Variants in ADAM19 observed in about 807,000 individuals in gnomAD.
ADAM19 encodes the protein disintegrin and metalloproteinase domain-containing protein 19.
In ADAM19, 65 loss-of-function variants were observed where a neutral mutation model predicts 114.7. The observed-to-expected ratio is 0.57, with a 90% confidence interval of 0.46 to 0.70. The LOEUF is 0.70. Ranked by LOEUF, ADAM19 falls within the 30% of genes least tolerant of loss-of-function variation. The pLI, the probability that ADAM19 is intolerant of heterozygous loss-of-function variation, is 0.00. For missense variants in ADAM19, 1,063 were observed against 1,204.7 expected (o/e 0.88, Z 1.74); for synonymous variants, 466 against 460.5 (o/e 1.01, Z -0.15).
At chr5:157,488,160 A>G in intron 21 of ADAM19, 105 bp downstream of exon 21, 1 of 1,168,684 alleles carries the variant, frequency 8.6e-7, no homozygotes, top group Non-Finnish European at 1.2e-6. Context: ...AAAGGCAGTC[A>G]GCTCATGACC....
chr5:157,514,326 C>CTTTTTTTTTTT (rs200826711), intron 7 of ADAM19, among the ~76,000 whole-genome samples: 1 of 141,690 alleles, frequency 7.1e-6, no homozygotes. Flanking sequence ...AATCACATTT[C>CTTTTTTTTTTT]TTTCTTTTTT....
At chr5:157,483,146 A>G (rs573055130) in intron 21 of ADAM19, among the ~76,000 whole-genome samples, 158 of 152,278 alleles carry the variant, frequency 1.0e-3, no homozygotes, top group African/African-American at 3.6e-3. Context: ...CCACCATGGC[A>G]TGTGTATACC....
intron 1 of ADAM19, among the ~76,000 whole-genome samples, chr5:157,573,361 T>C (rs1303280925): frequency 2.6e-5 from 4 of 152,216 alleles, no homozygotes; most frequent in African/African-American, 4.8e-5. Context: ...TTATTTACCA[T>C]TGATTAAAAG....
chr5:157,567,912 A>G (rs1373045207), intron 2 of ADAM19: 1 of 152,096 alleles, frequency 6.6e-6, no homozygotes, highest in Non-Finnish European at 1.5e-5. Flanking sequence ...GAAAATGAAT[A>G]CTGCCCCAAA....
At chr5:157,498,194 CT>C (rs1417467094) in intron 13 of ADAM19, among the ~76,000 whole-genome samples, 1 of 134,044 alleles carries the variant, frequency 7.5e-6, no homozygotes, top group African/African-American at 3.4e-5. Flanking sequence ...GGCAGACAGG[CT>C]TCTCCACCGG....
intron 10 of ADAM19, among the ~76,000 whole-genome samples, chr5:157,506,260 T>C (rs528086019): frequency 7.9e-5 from 12 of 152,190 alleles, no homozygotes; most frequent in Non-Finnish European, 1.3e-4. Context: ...CTTGGTGTAC[T>C]GTCTGATGAT....
intron 7 of ADAM19, among the ~76,000 whole-genome samples, chr5:157,516,152 T>C (rs550700602): frequency 6.6e-6 from 1 of 152,120 alleles, no homozygotes; most frequent in African/African-American, 2.4e-5. Flanking sequence ...TGGAGACAGG[T>C]GGAGAGGGGA....
chr5:157,531,567 C>G (rs563713294), intron 4 of ADAM19, among the ~76,000 whole-genome samples: 1 of 151,632 alleles, frequency 6.6e-6, no homozygotes, highest in African/African-American at 2.4e-5. Flanking sequence ...CTCGGGAGGC[C>G]GAGGCAGGAG....
rs1383631468 is a variant in ADAM19, at chr5:157,496,949, G to A, written c.1539C>T (p.Cys513=). Reference sequence around the variant, plus strand: ...GGTAGGTGAGGCACATGCCGTTGTAGCAGTAGGCCTGGCCGCCCTCACAGG... The same window carrying A: ...GGTAGGTGAGGCACATGCCGTTGTAACAGTAGGCCTGGCCGCCCTCACAGG... The part of the protein sequence containing the change: ...GTPCEGGQAY[C]YNGMCLTYQE... The change falls in exon 14 of 23, where the codon TGC becomes TGT. Residue 513 remains cysteine (C), a synonymous_variant. Coordinates refer to ENST00000257527, the MANE Select transcript of ADAM19 (RefSeq NM_033274.5). The A allele has an allele frequency of 6.3e-7, 1 of 1,598,356 alleles. No individual in the cohort carries two copies. Among genetic ancestry groups the A allele is most frequent in the African/African-American group, 1.4e-5 (1 of 73,890 alleles).
intron 15 of ADAM19, among the ~76,000 whole-genome samples, chr5:157,493,518 A>G (rs1171196951): frequency 1.3e-5 from 2 of 152,126 alleles, no homozygotes; most frequent in Non-Finnish European, 2.9e-5. Flanking sequence ...ATCTGGGGTC[A>G]TCTCCAACTC....
In ADAM19 at chr5:157,507,062, G is replaced by A. The variant is rs1342772245; in HGVS notation, c.984C>T (p.Val328=). 1 of 1,613,890 alleles carries A rather than the reference G, an allele frequency of 6.2e-7. No homozygotes were observed. Among genetic ancestry groups the A allele is most frequent in the African/African-American group, 1.3e-5 (1 of 74,920 alleles). Residue 328 remains valine (V), a synonymous_variant, in exon 10 of 23, where the codon GTC becomes GTT. Coordinates refer to ENST00000257527, the MANE Select transcript of ADAM19 (RefSeq NM_033274.5). ...CACACGGGCTGAGACTCACCATGTT[G>A]ACTCCTCCAGACTGGTACACAGAGC... is the stretch of plus-strand genomic sequence containing the variant. ...AMCSVYQSGG[V]NMDHSENAIG...
intron 3 of ADAM19, among the ~76,000 whole-genome samples, chr5:157,561,002 ACAAACT>A (rs1371381962): frequency 1.3e-5 from 2 of 152,210 alleles, no homozygotes; most frequent in Non-Finnish European, 2.9e-5. Flanking sequence ...CCCCAGATGC[ACAAACT>A]GAGGCTTAAA....
intron 8 of ADAM19, among the ~76,000 whole-genome samples, chr5:157,510,431 G>A (rs1755882610): frequency 6.6e-6 from 1 of 152,138 alleles, no homozygotes; most frequent in Admixed American, 6.5e-5. Context: ...CCAAGATTGT[G>A]CCATTGCACT....
rs1455895015 is a variant in ADAM19 at position 157,564,405 on chromosome 5, C to T, written c.219G>A (p.Gly73=). Residue 73 remains glycine, a synonymous_variant, in exon 3 of 23, where the codon GGG becomes GGA. Coordinates refer to ENST00000257527, the MANE Select transcript of ADAM19 (RefSeq NM_033274.5). ...LKAELRVMAE[G]RELILDLEKN... is the part of the protein sequence containing the mutation. ...TCTCCAGGTCCAGGATCAGTTCTCG[C>T]CCCTCAGCCATTACCCTGAGCTCAG... is the stretch of plus-strand genomic sequence containing the variant. The T allele has an allele frequency of 6.2e-7, 1 of 1,614,198 alleles. No homozygotes were observed. Among genetic ancestry groups the T allele is most frequent in the Non-Finnish European group, 8.5e-7 (1 of 1,180,016 alleles).
intron 9 of ADAM19, among the ~76,000 whole-genome samples, chr5:157,508,261 TA>T: frequency 6.6e-6 from 1 of 152,352 alleles, no homozygotes; most frequent in East Asian, 1.9e-4. Flanking sequence ...TTTAAAAGGA[TA>T]AGCCAAAGTT....
At position 157,480,983 on chromosome 5, in the gene ADAM19, T is replaced by C. The variant is rs960366452; in HGVS notation, c.2723A>G (p.Gln908Arg). 7.4e-6 allele frequency: 12 copies of C among 1,614,108 alleles called. No homozygotes were observed. The highest frequency in any genetic ancestry group is 1.0e-5 in the Non-Finnish European group (12 of 1,180,004). Residue 908 changes from glutamine to arginine, a missense_variant, in exon 23 of 23, where the codon CAG (glutamine) becomes CGG (arginine). Around this residue, in one of 3 missense-constraint regions of ADAM19, gnomAD observed 424 missense variants for 445.5 expected, o/e 0.95. Coordinates refer to ENST00000257527, the MANE Select transcript of ADAM19 (RefSeq NM_033274.5). Reference sequence around the variant, plus strand: ...CGAGCTAATCATCCCTCCAGCCCTCTGTGATCTGTATTCTGGAAACTGGGA... The same window carrying C: ...CGAGCTAATCATCCCTCCAGCCCTCCGTGATCTGTATTCTGGAAACTGGGA... ...LAPKFPEYRS[Q>R]RAGGMISSKI
chr5:157,564,505 G>A, intron 2 of ADAM19, 62 bp from the exon 3 acceptor site: 2 of 1,430,390 alleles, frequency 1.4e-6, no homozygotes, highest in Non-Finnish European at 2.0e-6. Flanking sequence ...CCTGGGTCGG[G>A]CACAGGATCT....
At chr5:157,569,060 G>A in intron 2 of ADAM19, 1 of 152,122 alleles carries the variant, frequency 6.6e-6, no homozygotes, top group Non-Finnish European at 1.5e-5. Context: ...GGTATGAATA[G>A]GTTGCAATAC....
chr5:157,491,918 C>G lies in ADAM19; in HGVS notation c.1909-6G>C. ...CACTGCCCCTCAAAGCAAATCTGCACGGAGAGAAAACAGAACGATCAGTGC... is the reference window on the plus strand; with the variant it reads ...CACTGCCCCTCAAAGCAAATCTGCAGGGAGAGAAAACAGAACGATCAGTGC... On this transcript the variant is annotated splice_polypyrimidine_tract_variant and splice_region_variant and intron_variant, in intron 16 of 22. Transcript: ENST00000257527. 3 of 1,614,004 alleles carry G rather than the reference C, an allele frequency of 1.9e-6. No individual in the cohort carries two copies. The highest frequency in any genetic ancestry group is 8.5e-7 in the Non-Finnish European group (1 of 1,179,934).
Sources: allele counts gnomAD v4.1 joint callset (sites outside exome capture counted in the v4.1 genomes callset), GRCh38; gene constraint gnomAD v4.1.1; regional missense constraint gnomAD v4.1.1; transcripts MANE v1.5; gene names NCBI Gene and HGNC (gene_info 2026-07-23, HGNC 2026-07-21).